The following SLC6A11 variants were observed in gnomAD, a reference collection of about 807,000 sequenced individuals.
SLC6A11 encodes sodium- and chloride-dependent GABA transporter 3.
SLC6A11 carries 25 observed loss-of-function variants against 74.8 expected under a neutral mutation model. The ratio of observed to expected loss-of-function variants is 0.33; its 90% CI spans 0.24 to 0.47. The LOEUF is 0.47. Ranked by LOEUF, SLC6A11 falls within the 20% of genes least tolerant of loss-of-function variation. The pLI is 1.00. For missense variants in SLC6A11, 574 were observed against 837.0 expected, an observed-to-expected ratio of 0.69 and a Z score of 3.88; for synonymous variants, 330 against 330.2, an observed-to-expected ratio of 1.00 and a Z score of 0.01.
intron 8 of SLC6A11, among the ~76,000 whole-genome samples, chr3:10,922,575 C>T (rs995869319): frequency 4.0e-5 from 6 of 151,602 alleles, no homozygotes; most frequent in East Asian, 1.9e-4. Flanking sequence ...CAGGGGTGGT[C>T]GGAAAAGGGG....
At chr3:10,833,820 A>G (rs1178131898) in intron 4 of SLC6A11, among the ~76,000 whole-genome samples, 3 of 152,228 alleles carry the variant, frequency 2.0e-5, no homozygotes, top group Non-Finnish European at 4.4e-5. Flanking sequence ...CTTGATCATT[A>G]CAGTAAACAT....
At chr3:10,929,924 A>G (rs1327779962) in intron 10 of SLC6A11, among the ~76,000 whole-genome samples, 1 of 152,104 alleles carries the variant, frequency 6.6e-6, no homozygotes, top group Non-Finnish European at 1.5e-5. Context: ...CACCTCCCAT[A>G]GCCATCCTGT....
Position 10,816,247 on chromosome 3 carries a change from C to G in SLC6A11, c.-19C>G, listed in dbSNP as rs950318832. The G allele has an allele frequency of 3.1e-6, 4 of 1,305,182 alleles. No homozygotes were observed. The African/African-American group carries it at 4.7e-5, about 15-fold the overall frequency. The allele number at this position is 1,305,182 out of a possible 1,614,324, so 80.9% of individuals were successfully genotyped here. On this transcript the variant is annotated 5_prime_UTR_variant, in exon 1 of 14. Coordinates refer to ENST00000254488, the MANE Select transcript of SLC6A11 (RefSeq NM_014229.3). The surrounding 1 kb of genome is among the most constrained non-coding windows in gnomAD (Gnocchi z 4.2). ...GGCGGCGCAGAGCCGGGCCGGCGCA[C>G]GAGGCAGCCAGCGCGGCCATGACGG...
At position 10,915,937 on chromosome 3, in the gene SLC6A11, A is replaced by G. The variant is rs1695448082; in HGVS notation, c.996-2392A>G. ...GGTGCATCATTTTTGTTTAGCTCCT[A>G]GCAAAAGCATGGGCTTTGATCTATG... is the stretch of plus-strand genomic sequence containing the variant. On this transcript the variant is annotated intron_variant, in intron 7 of 13. Transcript: ENST00000254488. The surrounding 1 kb of genome is among the most constrained non-coding windows in gnomAD (Gnocchi z 4.3). Among the ~76,000 whole-genome samples the G allele has an allele frequency of 6.6e-6, 1 of 152,204 alleles. No individual in the cohort carries two copies. The highest frequency in any genetic ancestry group is 6.5e-5 in the Admixed American group (1 of 15,278).
At chr3:10,914,498 A>G (rs1016790006) in intron 7 of SLC6A11, among the ~76,000 whole-genome samples, 8 of 152,192 alleles carry the variant, frequency 5.3e-5, no homozygotes, top group African/African-American at 1.9e-4. Context: ...CAGGTCCAAC[A>G]TGCTGAAAAG....
At chr3:10,830,817 A>G (rs747132679) in intron 4 of SLC6A11, among the ~76,000 whole-genome samples, 1 of 152,134 alleles carries the variant, frequency 6.6e-6, no homozygotes, top group African/African-American at 2.4e-5. Context: ...GTTTGCAGTG[A>G]TTCTGTGGGA....
intron 10 of SLC6A11, among the ~76,000 whole-genome samples, chr3:10,930,232 C>T (rs1024659477): frequency 1.3e-5 from 2 of 152,166 alleles, no homozygotes; most frequent in Non-Finnish European, 2.9e-5. Context: ...CTTGCCTTCC[C>T]TCATTCATGC....
chr3:10,828,707 T>C (rs1241952193), intron 4 of SLC6A11, among the ~76,000 whole-genome samples: 2 of 152,208 alleles, frequency 1.3e-5, no homozygotes, highest in African/African-American at 4.8e-5. Flanking sequence ...TTAATTCAAA[T>C]GTCAGTGTCA....
chr3:10,927,417 C>A (rs558988229), intron 9 of SLC6A11, among the ~76,000 whole-genome samples: 1 of 152,266 alleles, frequency 6.6e-6, no homozygotes. Flanking sequence ...TTGCTGTGTG[C>A]CTTGGATATA....
intron 8 of SLC6A11, among the ~76,000 whole-genome samples, chr3:10,921,362 G>A (rs80033752): frequency 0.038 from 5,791 of 152,254 alleles, 231 homozygotes; most frequent in East Asian, 0.16. Context: ...ATAATAATCA[G>A]AAGTGGGAAG....
intron 12 of SLC6A11, among the ~76,000 whole-genome samples, chr3:10,934,697 C>T (rs2938399): frequency 0.31 from 46,534 of 152,154 alleles, 7,484 homozygotes; most frequent in East Asian, 0.58. Flanking sequence ...GAAACCAGTC[C>T]CGAGGAGTAA....
intron 4 of SLC6A11, among the ~76,000 whole-genome samples, chr3:10,839,375 TC>T (rs1694408705): frequency 6.6e-6 from 1 of 152,032 alleles, no homozygotes; most frequent in African/African-American, 2.4e-5. Context: ...GCTCCTGACC[TC>T]CCCACTCCTG....
intron 5 of SLC6A11, among the ~76,000 whole-genome samples, chr3:10,868,374 A>G (rs1694789777): frequency 6.6e-6 from 1 of 152,246 alleles, no homozygotes; most frequent in Non-Finnish European, 1.5e-5. Context: ...TTGCTCTGAA[A>G]TAAATGGCCG....
intron 4 of SLC6A11, among the ~76,000 whole-genome samples, chr3:10,839,870 C>T (rs1316341234): frequency 2.6e-5 from 4 of 152,158 alleles, no homozygotes; most frequent in African/African-American, 4.8e-5. Flanking sequence ...GGATCCATGC[C>T]GTGAGCCTGG....
chr3:10,926,256 T>G lies in SLC6A11; in HGVS notation c.1233+140T>G. The G allele has an allele frequency of 6.6e-6, 4 of 609,484 alleles. No individual in the cohort carries two copies. The highest frequency in any genetic ancestry group is 2.7e-5 in the East Asian group (1 of 36,516). 37.8% of individuals were successfully genotyped at this position (609,484 alleles called of 1,614,324 possible). A position where few individuals can be genotyped will look rare whatever the true frequency, so the allele number is the denominator to read the frequency against. On this transcript the variant is annotated intron_variant, in intron 9 of 13. Coordinates refer to ENST00000254488, the MANE Select transcript of SLC6A11 (RefSeq NM_014229.3). The surrounding 1 kb of genome is among the most constrained non-coding windows in gnomAD (Gnocchi z 5.7). Reference sequence around the variant, plus strand: ...TCAGGGCCCTGCCCACCGTCCCCCATTCCACCCTCCACTTCCCTCCCAGCA... The same window carrying G: ...TCAGGGCCCTGCCCACCGTCCCCCAGTCCACCCTCCACTTCCCTCCCAGCA...
chr3:10,934,916 C>A, intron 12 of SLC6A11, 113 bp from the exon 13 acceptor site: 1 of 911,000 alleles, frequency 1.1e-6, no homozygotes, highest in Non-Finnish European at 1.7e-6. Context: ...TGAAACAGGG[C>A]CAGCTTCCTC....
chr3:10,902,715 G>A (rs1310154526), intron 6 of SLC6A11, among the ~76,000 whole-genome samples: 2 of 152,234 alleles, frequency 1.3e-5, no homozygotes, highest in Admixed American at 6.5e-5. Context: ...TCAAAGCATG[G>A]AGCCTGGCTA....
Position 10,816,519 on chromosome 3 carries a change from G to A in SLC6A11, c.254G>A (p.Gly85Glu). ...RFPYLCYKNG[G>E]GAFLIPYVVF... Reference sequence around the variant, plus strand: ...CCCTACCTGTGCTACAAGAACGGAGGAGGTGAGGTGATAGTGAGGAGAAGG... The same window carrying A: ...CCCTACCTGTGCTACAAGAACGGAGAAGGTGAGGTGATAGTGAGGAGAAGG... The change falls in exon 1 of 14, where the codon GGA becomes GAA. Residue 85 changes from glycine (G) to glutamate (E), a missense_variant and splice_region_variant. This residue lies in a region of SLC6A11 where 215 missense variants were observed against 357.9 expected (regional missense o/e 0.60). Coordinates refer to ENST00000254488, the MANE Select transcript of SLC6A11 (RefSeq NM_014229.3). The surrounding 1 kb of genome is among the most constrained non-coding windows in gnomAD (Gnocchi z 4.2). The A allele has an allele frequency of 2.5e-6, 4 of 1,600,172 alleles. No homozygotes were observed. Among genetic ancestry groups the A allele is most frequent in the Non-Finnish European group, 3.4e-6 (4 of 1,173,664 alleles).
intron 2 of SLC6A11, 25 bp from the exon 3 acceptor site, chr3:10,819,687 T>G: frequency 6.2e-7 from 1 of 1,612,242 alleles, no homozygotes; most frequent in Non-Finnish European, 8.5e-7. Context: ...AGACTCAAAT[T>G]CCTTCCTTTC....
Sources: gnomAD v4.1 joint callset for allele counts (sites outside exome capture counted in the v4.1 genomes callset) on GRCh38, gnomAD v4.1.1 for gene constraint, gnomAD v4.1.1 regional missense constraint, Gnocchi (gnomAD v3.1) non-coding constraint, MANE v1.5 for transcripts, NCBI Gene and HGNC (gene_info 2026-07-23, HGNC 2026-07-21) for gene names.